Variants in PARD3B observed in about 807,000 individuals in gnomAD.
PARD3B encodes the protein partitioning defective 3 homolog B.
A neutral mutation model predicts 130.2 loss-of-function variants in PARD3B; 103 were observed. The ratio of observed to expected loss-of-function variants is 0.79; its 90% confidence interval spans 0.67 to 0.93. The LOEUF (loss-of-function observed/expected upper bound fraction) is 0.93. Ranked by LOEUF, PARD3B falls within the 40% of genes least tolerant of loss-of-function variation. The probability of loss-of-function intolerance (pLI) is 0.00; values close to 1 mark genes in which losing one functional copy is unlikely to be tolerated. For synonymous variants in PARD3B, 583 were observed against 553.2 expected, an observed-to-expected ratio of 1.05 and a Z score of -0.76; for missense variants, 1,609 against 1,499.2, an observed-to-expected ratio of 1.07 and a Z score of -1.21.
intron 1 of PARD3B, among the ~76,000 whole-genome samples, chr2:204,574,196 C>T (rs1278860008): frequency 1.3e-5 from 2 of 152,166 alleles, no homozygotes; most frequent in African/African-American, 4.8e-5. Flanking sequence ...AAAGATGCTT[C>T]ATTGCAATAG....
chr2:205,197,948 G>C (rs2036784825), intron 15 of PARD3B, among the ~76,000 whole-genome samples: 2 of 152,192 alleles, frequency 1.3e-5, no homozygotes, highest in South Asian at 4.1e-4. Flanking sequence ...TGCCCTTGTT[G>C]GCAGTATGCC....
At position 204,648,069 on chromosome 2, in the gene PARD3B, A is replaced by T. The variant is rs188928610; in HGVS notation, c.121-38112A>T. On this transcript the variant is annotated intron_variant, in intron 1 of 22. Transcript: ENST00000406610. ...GATCTTATTAAATGTGTAGAAAATT[A>T]TATATCTGTAGCTTCAAAGGAGTTA... is the stretch of plus-strand genomic sequence containing the variant. 4.6e-5 allele frequency among the ~76,000 whole-genome samples: 7 copies of T among 151,900 alleles called. No individual in the cohort carries two copies. In the South Asian group the frequency reaches 1.2e-3, roughly 27 times the overall value.
At chr2:204,838,923 T>C (rs2044162082) in intron 2 of PARD3B, among the ~76,000 whole-genome samples, 2 of 152,114 alleles carry the variant, frequency 1.3e-5, no homozygotes, top group South Asian at 4.2e-4. Flanking sequence ...GCTCCCTGAG[T>C]AAAAATTGTG....
chr2:205,431,718 C>T (rs2047344635), intron 19 of PARD3B, among the ~76,000 whole-genome samples: 1 of 152,114 alleles, frequency 6.6e-6, no homozygotes, highest in African/African-American at 2.4e-5. Flanking sequence ...ATCTGCCCAC[C>T]TCGGCCTCCC....
At chr2:205,522,441 C>T (rs2051116620) in intron 21 of PARD3B, among the ~76,000 whole-genome samples, 1 of 151,788 alleles carries the variant, frequency 6.6e-6, no homozygotes, top group Non-Finnish European at 1.5e-5. Context: ...CGACGTCTCC[C>T]ATTTTTGCCT....
At chr2:205,133,467 A>C (rs62172701) in intron 10 of PARD3B, among the ~76,000 whole-genome samples, 31,128 of 151,986 alleles carry the variant, frequency 0.2, 3,677 homozygotes, top group South Asian at 0.37. Flanking sequence ...GTGGGCTTAG[A>C]AATCTGTATT....
At chr2:204,601,626 A>G (rs1326286582) in intron 1 of PARD3B, among the ~76,000 whole-genome samples, 1 of 150,654 alleles carries the variant, frequency 6.6e-6, no homozygotes, top group Non-Finnish European at 1.5e-5. Flanking sequence ...TTACAAGAAA[A>G]ACAATCAATG....
At chr2:205,411,987 C>A (rs905305498) in intron 19 of PARD3B, among the ~76,000 whole-genome samples, 14 of 152,180 alleles carry the variant, frequency 9.2e-5, no homozygotes, top group Non-Finnish European at 1.8e-4. Flanking sequence ...ATTAAATTCA[C>A]AAAATTCTCA....
chr2:204,618,970 CTCT>C (rs2034204860), intron 1 of PARD3B, among the ~76,000 whole-genome samples: 1 of 151,808 alleles, frequency 6.6e-6, no homozygotes, highest in East Asian at 1.9e-4. Flanking sequence ...TTTTTGTTTT[CTCT>C]TCTTCCATCT....
intron 3 of PARD3B, among the ~76,000 whole-genome samples, chr2:204,993,917 G>A (rs1693928017): frequency 6.6e-6 from 1 of 151,520 alleles, no homozygotes; most frequent in African/African-American, 2.4e-5. Context: ...TGTGGGATCG[G>A]TGGTGATATC....
chr2:204,990,546 C>A (rs531587151), intron 3 of PARD3B, among the ~76,000 whole-genome samples: 2 of 152,216 alleles, frequency 1.3e-5, no homozygotes, highest in East Asian at 3.9e-4. Flanking sequence ...ACTTTCCAGA[C>A]TCTAGTAACT....
intron 2 of PARD3B, among the ~76,000 whole-genome samples, chr2:204,723,765 T>C (rs1288406773): frequency 6.6e-6 from 1 of 152,066 alleles, no homozygotes; most frequent in East Asian, 1.9e-4. Flanking sequence ...ATAGTAATTA[T>C]AGGAGAAAGT....
At position 205,473,559 on chromosome 2, in the gene PARD3B, T is replaced by C. The variant is rs886230197; in HGVS notation, c.3045-26337T>C. 2.0e-5 allele frequency among the ~76,000 whole-genome samples: 3 copies of C among 151,450 alleles called. No homozygotes were observed. Among genetic ancestry groups the C allele is most frequent in the African/African-American group, 4.8e-5 (2 of 41,300 alleles). On this transcript the variant is annotated intron_variant, in intron 20 of 22. Coordinates refer to ENST00000406610, the MANE Select transcript of PARD3B (RefSeq NM_001302769.2). The surrounding 1 kb of genome is among the most constrained non-coding windows in gnomAD (Gnocchi z 4.9). ...CATTAATATGGGTGATATCTTACAT[T>C]GTTGGAAAGAGCTGAAATAAAAATA...
intron 4 of PARD3B, among the ~76,000 whole-genome samples, chr2:205,070,010 A>G (rs1700626377): frequency 1.3e-5 from 2 of 152,152 alleles, no homozygotes; most frequent in Admixed American, 1.3e-4. Flanking sequence ...GTTTAGCAGA[A>G]CACCCTGGTC....
chr2:205,447,414 G>T (rs1352219754), intron 20 of PARD3B, among the ~76,000 whole-genome samples: 1 of 152,188 alleles, frequency 6.6e-6, no homozygotes, highest in African/African-American at 2.4e-5. Context: ...CTTCACTCTT[G>T]TTGCCCAGGC....
intron 18 of PARD3B, among the ~76,000 whole-genome samples, chr2:205,302,269 T>C (rs1464336767): frequency 2.0e-5 from 3 of 151,780 alleles, no homozygotes; most frequent in Non-Finnish European, 2.9e-5. Context: ...AGTTTCGCCA[T>C]GTGGGCCAGG....
intron 18 of PARD3B, among the ~76,000 whole-genome samples, chr2:205,391,848 T>G (rs1405237162): frequency 6.6e-6 from 1 of 152,216 alleles, no homozygotes; most frequent in Non-Finnish European, 1.5e-5. Context: ...GGCCTTTTTT[T>G]CATAAGTTTC....
rs900499486 is a variant in PARD3B, at chr2:205,125,412, G to T, written c.1306-197G>T. Among the ~76,000 whole-genome samples, 7 of 152,124 alleles carry T rather than the reference G, an allele frequency of 4.6e-5. No individual in the cohort carries two copies. The highest frequency in any genetic ancestry group is 1.7e-4 in the African/African-American group (7 of 41,418). ...GGAAAAACTGCTGATATTAATTACC[G>T]ACTCTGAGTTCATCCAGCATCATGA... On this transcript the variant is annotated intron_variant, in intron 9 of 22. Coordinates refer to ENST00000406610, the MANE Select transcript of PARD3B (RefSeq NM_001302769.2). This position sits in a 1 kb window ranked among gnomAD's most constrained non-coding sequence, Gnocchi z 4.0.
Position 204,575,880 on chromosome 2 carries a change from C to T in PARD3B, c.120+29761C>T, listed in dbSNP as rs113701674. Among the ~76,000 whole-genome samples, 1,368 of 152,304 alleles carry T rather than the reference C, an allele frequency of 9.0e-3. 19 individuals carry two copies. The highest frequency in any genetic ancestry group is 0.032 in the African/African-American group (1,328 of 41,554). ...TATAAGCCCCTGTGGAGTTCCAAAT[C>T]TGTTAGTCCTGTCCTGTGATTTGGT... On this transcript the variant is annotated intron_variant, in intron 1 of 22. Transcript: ENST00000406610.
Sources: allele counts gnomAD v4.1 joint callset (sites outside exome capture counted in the v4.1 genomes callset), GRCh38; gene constraint gnomAD v4.1.1; non-coding constraint Gnocchi (gnomAD v3.1); transcripts MANE v1.5; gene names NCBI Gene and HGNC (gene_info 2026-07-23, HGNC 2026-07-21).